Variants in TG observed in about 807,000 individuals in gnomAD.
TG encodes thyroglobulin, also known as thyroid hormones.
A neutral mutation model predicts 324.7 loss-of-function variants in TG; 270 were observed. That is an observed-to-expected ratio of 0.83 (90% CI 0.75 to 0.92). The LOEUF (loss-of-function observed/expected upper bound fraction) is 0.92. Ranked by LOEUF, TG falls within the 40% of genes least tolerant of loss-of-function variation. The pLI is 0.00. For synonymous variants in TG, 1,401 were observed against 1,327.0 expected, an observed-to-expected ratio of 1.06 and a Z score of -1.21; for missense variants, 3,591 against 3,456.4, an observed-to-expected ratio of 1.04 and a Z score of -0.98.
At chr8:133,001,873 G>C in intron 35 of TG, 1 of 985,436 alleles carries the variant, frequency 1.0e-6, no homozygotes, top group Non-Finnish European at 1.2e-6. Flanking sequence ...TGTGGAAACC[G>C]CCTCTTCTAT....
At chr8:132,881,672 G>T (rs1467814086) in intron 5 of TG, among the ~76,000 whole-genome samples, 191 bp from the exon 6 acceptor site, 1 of 152,198 alleles carries the variant, frequency 6.6e-6, no homozygotes, top group Non-Finnish European at 1.5e-5. Context: ...GGTCCAGCCT[G>T]GTTCCAGCCA....
Position 133,095,125 on chromosome 8 carries a change from A to T in TG, c.7321A>T (p.Ser2441Cys), listed in dbSNP as rs1226444585. 6.2e-7 allele frequency: 1 copy of T among 1,614,142 alleles called. No homozygotes were observed. Among genetic ancestry groups the T allele is most frequent in the Non-Finnish European group, 8.5e-7 (1 of 1,180,042 alleles). Residue 2441 changes from serine to cysteine, a missense_variant, in exon 42 of 48, where the codon AGT becomes TGT. Physicochemically the swap from Ser to Cys is moderately radical, Grantham distance 112. Transcript: ENST00000220616. Reference protein sequence around the residue: ...QQAIALAKEVSCPMSSSQEVV... With the variant: ...QQAIALAKEVCCPMSSSQEVV... Reference sequence around the variant, plus strand: ...GGCAATTGCTTTGGCAAAGGAGGTCAGTTGCCCCATGTCATCCAGCCAAGA... The same window carrying T: ...GGCAATTGCTTTGGCAAAGGAGGTCTGTTGCCCCATGTCATCCAGCCAAGA...
intron 41 of TG, among the ~76,000 whole-genome samples, chr8:133,057,650 C>T (rs1587923615): frequency 6.6e-6 from 1 of 152,126 alleles, no homozygotes; most frequent in East Asian, 1.9e-4. Flanking sequence ...TGAGGGCCTT[C>T]TGCCTCTGAA....
At chr8:132,983,800 T>G in intron 35 of TG, 1 of 352,760 alleles carries the variant, frequency 2.8e-6, no homozygotes, top group Admixed American at 4.1e-5. Context: ...CAGCTCCTTA[T>G]TAGTGCAAAA....
chr8:133,042,678 CTTTTTTTTTTTTTTT>C lies in TG; in HGVS notation c.7239+12672_7239+12686del, dbSNP rs58739514. ...GTGCACAATTCCTCTCATTCTGTGT[CTTTTTTTTTTTTTTT>C]TTTTTTTTTTTTTTTTGTGAGATGG... is the stretch of plus-strand genomic sequence containing the variant. On this transcript the variant is annotated intron_variant, in intron 41 of 47. Coordinates refer to ENST00000220616, the MANE Select transcript of TG (RefSeq NM_003235.5). Among the ~76,000 whole-genome samples, 22 of 56,768 alleles carry C rather than the reference CTTTTTTTTTTTTTTT, an allele frequency of 3.9e-4. 1 individual carries two copies. The highest frequency in any genetic ancestry group is 1.8e-3 in the East Asian group (4 of 2,280). The allele number at this position is 56,768 out of a possible 152,430, so 37.2% of individuals were successfully genotyped here. A position where few individuals can be genotyped will look rare whatever the true frequency, so the allele number is the denominator to read the frequency against.
intron 41 of TG, among the ~76,000 whole-genome samples, chr8:133,066,325 CAA>C (rs11395047): frequency 1.3e-4 from 11 of 87,106 alleles, no homozygotes; most frequent in African/African-American, 3.5e-4. Flanking sequence ...GACTCTGTCT[CAA>C]AAAAAAAAAA....
intron 45 of TG, among the ~76,000 whole-genome samples, chr8:133,118,001 T>G (rs1201302287): frequency 6.6e-6 from 1 of 152,216 alleles, no homozygotes; most frequent in East Asian, 1.9e-4. Flanking sequence ...GTCCAACCCA[T>G]AACAGGGCTT....
intron 26 of TG, among the ~76,000 whole-genome samples, chr8:132,944,694 C>T (rs1288718326): frequency 6.6e-6 from 1 of 152,220 alleles, no homozygotes; most frequent in Non-Finnish European, 1.5e-5. Context: ...CCACCTCCTC[C>T]TCTCAGGTCC....
At position 133,013,627 on chromosome 8, in the gene TG, T is replaced by C; in HGVS notation, c.6425T>C (p.Ile2142Thr). 6.2e-7 allele frequency: 1 copy of C among 1,614,236 alleles called. No homozygotes were observed. Among genetic ancestry groups the C allele is most frequent in the South Asian group, 1.1e-5 (1 of 91,090 alleles). Residue 2142 changes from isoleucine (I) to threonine (T), a missense_variant, in exon 37 of 48, where the codon ATC becomes ACC. Transcript: ENST00000220616. ...TGTTCCCAACATGAGGCCTGTCTCA[T>C]CACCACTCTGCAAACCCAACCTGGG... ...SECSQHEACL[I>T]TTLQTQPGAV...
intron 41 of TG, among the ~76,000 whole-genome samples, chr8:133,062,437 T>A (rs1842497661): frequency 6.6e-6 from 1 of 152,240 alleles, no homozygotes; most frequent in African/African-American, 2.4e-5. Context: ...CCAACCCACA[T>A]TCCCCGCAGT....
In TG at chr8:133,096,326, G is replaced by T; in HGVS notation, c.7525G>T (p.Gly2509Trp). The T allele has an allele frequency of 6.2e-7, 1 of 1,614,224 alleles. No individual in the cohort carries two copies. Among genetic ancestry groups the T allele is most frequent in the Non-Finnish European group, 8.5e-7 (1 of 1,180,042 alleles). The change falls in exon 43 of 48, where the codon GGG (glycine) becomes TGG (tryptophan). Residue 2509 changes from glycine to tryptophan, a missense_variant. Coordinates refer to ENST00000220616, the MANE Select transcript of TG (RefSeq NM_003235.5). Reference protein sequence around the residue: ...SLWVEVDLLIGSSQDDGLINR... With the variant: ...SLWVEVDLLIWSSQDDGLINR... The stretch of plus-strand genomic sequence containing the variant: ...ATGGGTAGAGGTCGATCTGCTCATT[G>T]GGAGTTCTCAGGACGACGGGCTCAT...
intron 35 of TG, among the ~76,000 whole-genome samples, chr8:132,985,004 C>G (rs960384398): frequency 6.6e-6 from 1 of 152,004 alleles, no homozygotes; most frequent in Non-Finnish European, 1.5e-5. Context: ...ATCTGCCACT[C>G]CCACTCCTAG....
chr8:133,075,623 T>C (rs894659342), intron 41 of TG, among the ~76,000 whole-genome samples: 1 of 152,186 alleles, frequency 6.6e-6, no homozygotes. Context: ...ATGTCTCGTA[T>C]CATGACGGCT....
intron 35 of TG, chr8:133,001,804 AC>A (rs1833535241): frequency 1.0e-6 from 1 of 985,280 alleles, no homozygotes; most frequent in Non-Finnish European, 1.2e-6. Flanking sequence ...GGCCTGAAAG[AC>A]TTTTCCTGCC....
At chr8:133,026,450 G>A (rs933649694) in intron 40 of TG, among the ~76,000 whole-genome samples, 1 of 152,200 alleles carries the variant, frequency 6.6e-6, no homozygotes, top group African/African-American at 2.4e-5. Context: ...CTGGGTGAAG[G>A]GAGGCCATTT....
rs532777716 is a variant in TG at position 132,966,921 on chromosome 8, G to A, written c.5686+224G>A. ...TTCCATAACCTATCTTCATCCACCT[G>A]TCTCTCCATCTATCCGTCCATTCAC... is the stretch of plus-strand genomic sequence containing the variant. On this transcript the variant is annotated intron_variant, in intron 30 of 47. Transcript: ENST00000220616. 1.4e-3 allele frequency among the ~76,000 whole-genome samples: 215 copies of A among 152,184 alleles called. 2 individuals carry two copies. The highest frequency in any genetic ancestry group is 4.9e-3 in the African/African-American group (205 of 41,554).
chr8:133,001,511 CT>C (rs1833495350), intron 35 of TG, among the ~76,000 whole-genome samples: 1 of 152,194 alleles, frequency 6.6e-6, no homozygotes, highest in African/African-American at 2.4e-5. Flanking sequence ...ACAAGGATGT[CT>C]TTATTTGGTC....
At chr8:132,928,838 C>T (rs1053853327) in intron 22 of TG, among the ~76,000 whole-genome samples, 14 of 152,196 alleles carry the variant, frequency 9.2e-5, no homozygotes, top group African/African-American at 2.4e-4. Context: ...ATTAAATTTC[C>T]GCCTCACTTC....
rs755300748 is a variant in TG, at chr8:133,113,444, G to A, written c.7595G>A (p.Arg2532Gln). 1.9e-5 allele frequency: 30 copies of A among 1,613,700 alleles called. No homozygotes were observed. The highest frequency in any genetic ancestry group is 1.6e-4 in the African/African-American group (12 of 74,792). Residue 2532 changes from arginine to glutamine, a missense_variant, in exon 44 of 48, where the codon CGG (arginine) becomes CAG (glutamine). Coordinates refer to ENST00000220616, the MANE Select transcript of TG (RefSeq NM_003235.5). ...AVKQFEESRG[R>Q]TSSKTAFYQA... ...TAGCAATTTGAGGAAAGTCGAGGCC[G>A]GACCAGTAGCAAAACAGCCTTTTAC...
Sources: gnomAD v4.1 joint callset for allele counts (sites outside exome capture counted in the v4.1 genomes callset) on GRCh38, gnomAD v4.1.1 for gene constraint, MANE v1.5 for transcripts, NCBI Gene and HGNC (gene_info 2026-07-23, HGNC 2026-07-21) for gene names.